The following IGSF21 variants were observed in gnomAD, a reference collection of about 807,000 sequenced individuals.
IGSF21 encodes the protein immunoglobin superfamily member 21, also known as immunoglobulin superfamily member 21.
IGSF21 carries 28 observed loss-of-function variants against 46.8 expected under a neutral mutation model. The ratio of observed to expected loss-of-function variants is 0.60; its 90% CI spans 0.44 to 0.82. The LOEUF (loss-of-function observed/expected upper bound fraction) is 0.82, where lower values mean the gene tolerates loss of function less well. Ranked by LOEUF, IGSF21 falls within the 40% of genes least tolerant of loss-of-function variation. IGSF21 has a pLI of 0.00. For synonymous variants in IGSF21, 284 were observed against 273.6 expected, an observed-to-expected ratio of 1.04 and a Z score of -0.38; for missense variants, 624 against 665.5, an observed-to-expected ratio of 0.94 and a Z score of 0.69.
chr1:18,332,215 A>C (rs1463986225), intron 3 of IGSF21, among the ~76,000 whole-genome samples: 1 of 152,104 alleles, frequency 6.6e-6, no homozygotes, highest in Admixed American at 6.5e-5. Context: ...TGCAGCCATC[A>C]CCTAGGTGGT....
chr1:18,282,403 C>G (rs777650175), intron 2 of IGSF21, among the ~76,000 whole-genome samples: 38 of 152,050 alleles, frequency 2.5e-4, no homozygotes, highest in Non-Finnish European at 4.7e-4. Context: ...CTTTCTATTT[C>G]CCCTGCTTCC....
In IGSF21 at chr1:18,297,937, T is replaced by C. The variant is rs373316261; in HGVS notation, c.305+5950T>C. On this transcript the variant is annotated intron_variant, in intron 3 of 9. Coordinates refer to ENST00000251296, the MANE Select transcript of IGSF21 (RefSeq NM_032880.5). ...GGTGAGAATAATGGAGTGAGGGCATTGCACAGCTCCTCATAGGAGATACCT... is the reference window on the plus strand; with the variant it reads ...GGTGAGAATAATGGAGTGAGGGCATCGCACAGCTCCTCATAGGAGATACCT... Among the ~76,000 whole-genome samples the C allele has an allele frequency of 1.2e-4, 19 of 152,284 alleles. No individual in the cohort carries two copies. The East Asian group carries it at 2.9e-3, about 23-fold the overall frequency.
At chr1:18,135,392 C>T (rs894650302) in intron 1 of IGSF21, among the ~76,000 whole-genome samples, 1 of 151,794 alleles carries the variant, frequency 6.6e-6, no homozygotes, top group African/African-American at 2.4e-5. Context: ...GGTATATCTC[C>T]TAATGCTATC....
intron 1 of IGSF21, among the ~76,000 whole-genome samples, chr1:18,131,830 G>A (rs1389244691): frequency 6.6e-6 from 1 of 152,138 alleles, no homozygotes; most frequent in African/African-American, 2.4e-5. Flanking sequence ...AGTGGCACAT[G>A]CCTTCTCCTT....
intron 6 of IGSF21, among the ~76,000 whole-genome samples, chr1:18,370,807 A>G (rs960146247): frequency 3.3e-5 from 5 of 152,230 alleles, no homozygotes; most frequent in Non-Finnish European, 7.3e-5. Context: ...CAAATGGCTA[A>G]TAAACATGTA....
At chr1:18,153,367 AGAG>A (rs2086538478) in intron 1 of IGSF21, among the ~76,000 whole-genome samples, 1 of 152,232 alleles carries the variant, frequency 6.6e-6, no homozygotes, top group Non-Finnish European at 1.5e-5. Context: ...TTCACTCCGC[AGAG>A]GAGGCCCCAG....
intron 1 of IGSF21, among the ~76,000 whole-genome samples, chr1:18,184,596 G>A (rs2086886520): frequency 6.6e-6 from 1 of 152,188 alleles, no homozygotes; most frequent in Non-Finnish European, 1.5e-5. Context: ...TGGGGAGGGT[G>A]CACCAAGCTG....
At chr1:18,225,364 C>G (rs543695344) in intron 1 of IGSF21, among the ~76,000 whole-genome samples, 36 of 152,072 alleles carry the variant, frequency 2.4e-4, no homozygotes, top group African/African-American at 8.2e-4. Context: ...ACACTACCAC[C>G]CAATCACCAG....
intron 2 of IGSF21, among the ~76,000 whole-genome samples, chr1:18,261,865 C>T (rs1466982426): frequency 1.3e-5 from 2 of 152,130 alleles, no homozygotes; most frequent in Non-Finnish European, 2.9e-5. Flanking sequence ...GAGGTGACGT[C>T]GGGAAGTATT....
chr1:18,291,528 C>T (rs1173283411), intron 2 of IGSF21, among the ~76,000 whole-genome samples: 1 of 152,216 alleles, frequency 6.6e-6, no homozygotes, highest in Non-Finnish European at 1.5e-5. Flanking sequence ...CCACATTTTT[C>T]TTCGCAGCCT....
intron 1 of IGSF21, among the ~76,000 whole-genome samples, chr1:18,178,684 T>C (rs2086827728): frequency 6.6e-6 from 1 of 152,164 alleles, no homozygotes; most frequent in South Asian, 2.1e-4. Context: ...TGCCAGCTTC[T>C]CCTTCCTTTT....
chr1:18,196,332 G>A (rs372806772), intron 1 of IGSF21, among the ~76,000 whole-genome samples: 13 of 152,118 alleles, frequency 8.5e-5, no homozygotes, highest in African/African-American at 2.9e-4. Context: ...TCGTTGAGCT[G>A]GATTCTGTAT....
intron 1 of IGSF21, among the ~76,000 whole-genome samples, chr1:18,151,847 G>A (rs1331485074): frequency 6.6e-6 from 1 of 152,054 alleles, no homozygotes; most frequent in East Asian, 1.9e-4. Context: ...TCATCATGTG[G>A]GTGACCGTAT....
intron 2 of IGSF21, among the ~76,000 whole-genome samples, chr1:18,271,624 C>G (rs570521122): frequency 2.0e-5 from 3 of 152,330 alleles, no homozygotes; most frequent in African/African-American, 7.2e-5. Flanking sequence ...CCTCCCTCCC[C>G]TAGGCACCCC....
chr1:18,217,193 C>A (rs1405431596), intron 1 of IGSF21, among the ~76,000 whole-genome samples: 1 of 152,154 alleles, frequency 6.6e-6, no homozygotes, highest in African/African-American at 2.4e-5. Flanking sequence ...GATAAGGGTC[C>A]TTGAATTCTT....
chr1:18,256,834 T>G (rs2084897134), intron 2 of IGSF21, among the ~76,000 whole-genome samples: 1 of 152,164 alleles, frequency 6.6e-6, no homozygotes, highest in Admixed American at 6.5e-5. Flanking sequence ...CCCCTCTTCC[T>G]CCATCTTTTA....
At chr1:18,319,806 C>T (rs1017826927) in intron 3 of IGSF21, among the ~76,000 whole-genome samples, 2 of 152,182 alleles carry the variant, frequency 1.3e-5, no homozygotes, top group Non-Finnish European at 2.9e-5. Flanking sequence ...CCCTCCACTC[C>T]CAGCACTCCC....
chr1:18,200,919 G>C (rs771729588), intron 1 of IGSF21, among the ~76,000 whole-genome samples: 17 of 152,172 alleles, frequency 1.1e-4, no homozygotes, highest in Non-Finnish European at 2.2e-4. Context: ...GTCCACCTTT[G>C]CTCTTCTGCT....
intron 1 of IGSF21, among the ~76,000 whole-genome samples, chr1:18,190,358 C>T (rs2086943440): frequency 6.6e-6 from 1 of 152,212 alleles, no homozygotes. Context: ...TCCCTCTGCC[C>T]CTCCGATTCC....
Sources: allele counts gnomAD v4.1 joint callset (sites outside exome capture counted in the v4.1 genomes callset), GRCh38; gene constraint gnomAD v4.1.1; transcripts MANE v1.5; gene names NCBI Gene and HGNC (gene_info 2026-07-23, HGNC 2026-07-21).